Variants in TACC2 observed in about 807,000 individuals in gnomAD.
TACC2 encodes the protein transforming acidic coiled-coil containing protein 2, also known as transforming acidic coiled-coil-containing protein 2.
Under a neutral mutation model 227.3 loss-of-function variants are expected in TACC2, and 137 were observed. The ratio of observed to expected loss-of-function variants is 0.60; its 90% CI spans 0.52 to 0.69. TACC2 has a LOEUF of 0.69. Ranked by LOEUF, TACC2 falls within the 30% of genes least tolerant of loss-of-function variation. TACC2 has a pLI of 0.00. For missense variants in TACC2, 3,470 were observed against 3,694.4 expected, an observed-to-expected ratio of 0.94 and a Z score of 1.57; for synonymous variants, 1,523 against 1,487.5, an observed-to-expected ratio of 1.02 and a Z score of -0.55.
chr10:122,109,458 T>G (rs1351141498), intron 5 of TACC2, among the ~76,000 whole-genome samples: 4 of 152,164 alleles, frequency 2.6e-5, no homozygotes, highest in African/African-American at 9.7e-5. Context: ...ATTAACCCGG[T>G]GAGTCTTATT....
At chr10:122,240,370 C>G (rs1361499329) in intron 18 of TACC2, among the ~76,000 whole-genome samples, 1 of 152,112 alleles carries the variant, frequency 6.6e-6, no homozygotes. Context: ...CTCGGAGGCT[C>G]ATCTCATGGT....
intron 5 of TACC2, 156 bp downstream of exon 5, chr10:122,088,747 G>T: frequency 6.5e-7 from 1 of 1,536,434 alleles, no homozygotes; most frequent in Middle Eastern, 1.7e-4. Flanking sequence ...AGGTACAGCA[G>T]TACCTGGGAT....
intron 19 of TACC2, among the ~76,000 whole-genome samples, chr10:122,244,099 C>T (rs1666057971): frequency 6.6e-6 from 1 of 152,164 alleles, no homozygotes. Flanking sequence ...TGAGTTCCCT[C>T]CAAGCCCTGG....
In TACC2 at chr10:122,141,380, T is replaced by G. The variant is rs1483797227; in HGVS notation, c.5700-2192T>G. On this transcript the variant is annotated intron_variant, in intron 6 of 22. Coordinates refer to ENST00000369005, the MANE Select transcript of TACC2 (RefSeq NM_206862.4). The surrounding 1 kb of genome is among the most constrained non-coding windows in gnomAD (Gnocchi z 4.3). The stretch of plus-strand genomic sequence containing the variant: ...TAAATGAGCTGTTGAGTCACACTTG[T>G]TTGATGCCTTTGGCTAACGGGACCC... Among the ~76,000 whole-genome samples the G allele has an allele frequency of 6.6e-6, 1 of 152,046 alleles. No homozygotes were observed. The highest frequency in any genetic ancestry group is 1.5e-5 in the Non-Finnish European group (1 of 68,024).
At chr10:122,212,534 C>A (rs752822624) in intron 9 of TACC2, among the ~76,000 whole-genome samples, 3 of 152,146 alleles carry the variant, frequency 2.0e-5, no homozygotes, top group Non-Finnish European at 2.9e-5. Flanking sequence ...AATATCTTGG[C>A]GATTTCCTTA....
intron 11 of TACC2, among the ~76,000 whole-genome samples, chr10:122,219,891 A>C (rs2095489855): frequency 6.6e-6 from 1 of 152,052 alleles, no homozygotes; most frequent in Non-Finnish European, 1.5e-5. Context: ...TACAAAAATT[A>C]GCTGGGCATG....
chr10:122,010,457 AG>A (rs1226745025), intron 1 of TACC2, among the ~76,000 whole-genome samples: 35 of 152,200 alleles, frequency 2.3e-4, no homozygotes, highest in Non-Finnish European at 5.9e-5. Context: ...CTGGTTTAGC[AG>A]GGGAAAAAGA....
chr10:122,176,117 C>CTATATATA (rs35172894), intron 7 of TACC2, among the ~76,000 whole-genome samples: 119 of 54,618 alleles, frequency 2.2e-3, no homozygotes, highest in South Asian at 7.6e-3. Flanking sequence ...CTCTCTCTCT[C>CTATATATA]TATATATATA....
intron 5 of TACC2, among the ~76,000 whole-genome samples, chr10:122,132,385 A>C (rs12413411): frequency 0.097 from 14,790 of 152,244 alleles, 1,149 homozygotes; most frequent in African/African-American, 0.21. Flanking sequence ...ATCTCTACTA[A>C]AAATACAAAA....
intron 9 of TACC2, among the ~76,000 whole-genome samples, chr10:122,213,686 T>A (rs2095343377): frequency 6.6e-6 from 1 of 152,248 alleles, no homozygotes; most frequent in African/African-American, 2.4e-5. Flanking sequence ...ACATTTTTTT[T>A]AAACTCTTCA....
intron 3 of TACC2, among the ~76,000 whole-genome samples, chr10:122,054,870 G>C (rs77600098): frequency 6.2e-4 from 95 of 152,302 alleles, no homozygotes; most frequent in African/African-American, 2.2e-3. Flanking sequence ...ACAAGGGAGA[G>C]AGCGCTGGAG....
chr10:122,049,192 C>A (rs184483108), intron 2 of TACC2, among the ~76,000 whole-genome samples: 2 of 152,322 alleles, frequency 1.3e-5, no homozygotes, highest in Non-Finnish European at 2.9e-5. Flanking sequence ...GCAATGCATG[C>A]GGCCTCATCA....
At chr10:122,116,848 G>T (rs2084790862) in intron 5 of TACC2, among the ~76,000 whole-genome samples, 1 of 151,734 alleles carries the variant, frequency 6.6e-6, no homozygotes, top group African/African-American at 2.4e-5. Context: ...TGAGCTGGTT[G>T]TCTCGGCTTC....
rs951235280 is a variant in TACC2, at chr10:122,150,207, T to C, written c.5834+6501T>C. On this transcript the variant is annotated intron_variant, in intron 7 of 22. Coordinates refer to ENST00000369005, the MANE Select transcript of TACC2 (RefSeq NM_206862.4). This position sits in a 1 kb window ranked among gnomAD's most constrained non-coding sequence, Gnocchi z 4.0. ...CTGGGAGAAGCTGCAAAGCTTCAGCTTGTGACGCCATCTGGGCGGCAGTCC... is the reference window on the plus strand; with the variant it reads ...CTGGGAGAAGCTGCAAAGCTTCAGCCTGTGACGCCATCTGGGCGGCAGTCC... Among the ~76,000 whole-genome samples the C allele has an allele frequency of 6.6e-6, 1 of 152,228 alleles. No homozygotes were observed. The highest frequency in any genetic ancestry group is 1.9e-4 in the East Asian group (1 of 5,180).
Position 122,210,366 on chromosome 10 carries a change from G to A in TACC2, c.5972-31G>A, listed in dbSNP as rs2095262615. 13 of 1,556,356 alleles carry A rather than the reference G, an allele frequency of 8.4e-6. No individual in the cohort carries two copies. The East Asian group carries it at 2.9e-4, about 35-fold the overall frequency. On this transcript the variant is annotated intron_variant, in intron 8 of 22. Coordinates refer to ENST00000369005, the MANE Select transcript of TACC2 (RefSeq NM_206862.4). The surrounding 1 kb of genome is among the most constrained non-coding windows in gnomAD (Gnocchi z 4.6). ...AGGTGCCCCAATGCGTCCTGTGTCT[G>A]TAATTGATGGCGTTGTCTGTGTTTC...
Position 122,141,198 on chromosome 10 carries a change from G to A in TACC2, c.5700-2374G>A, listed in dbSNP as rs575561780. On this transcript the variant is annotated intron_variant, in intron 6 of 22. Coordinates refer to ENST00000369005, the MANE Select transcript of TACC2 (RefSeq NM_206862.4). This position sits in a 1 kb window ranked among gnomAD's most constrained non-coding sequence, Gnocchi z 4.3. Reference sequence around the variant, plus strand: ...GGAGGAGGAGGGTCAGGAGGGAAGAGGAGAAGTTCTGTTGGGCCCAGGAGG... The same window carrying A: ...GGAGGAGGAGGGTCAGGAGGGAAGAAGAGAAGTTCTGTTGGGCCCAGGAGG... Among the ~76,000 whole-genome samples the A allele has an allele frequency of 5.3e-5, 8 of 152,218 alleles. No homozygotes were observed. Among genetic ancestry groups the A allele is most frequent in the African/African-American group, 1.7e-4 (7 of 41,530 alleles).
intron 5 of TACC2, among the ~76,000 whole-genome samples, chr10:122,112,510 C>T (rs1444643298): frequency 2.0e-5 from 3 of 152,214 alleles, no homozygotes; most frequent in South Asian, 4.1e-4. Flanking sequence ...TAATACCACA[C>T]AGGTGAAGAA....
Position 122,194,966 on chromosome 10 carries a change from T to C in TACC2, c.5835-74T>C. 1 of 1,500,468 alleles carries C rather than the reference T, an allele frequency of 6.7e-7. No homozygotes were observed. The allele number at this position is 1,500,468 out of a possible 1,614,324, so 92.9% of individuals were successfully genotyped here. On this transcript the variant is annotated intron_variant, in intron 7 of 22. Transcript: ENST00000369005. The surrounding 1 kb of genome is among the most constrained non-coding windows in gnomAD (Gnocchi z 4.4). ...CGAGCCAGAACCCACTGGCTCTGGG[T>C]GCGAAGGCCACACCGGCTCAGCAGA... is the stretch of plus-strand genomic sequence containing the variant.
chr10:122,242,440 C>T (rs181671942), intron 19 of TACC2, among the ~76,000 whole-genome samples: 121 of 152,296 alleles, frequency 7.9e-4, no homozygotes, highest in African/African-American at 2.2e-3. Flanking sequence ...CAGTGGACCA[C>T]GGCGTGATTG....
Sources: allele counts gnomAD v4.1 joint callset (sites outside exome capture counted in the v4.1 genomes callset), GRCh38; gene constraint gnomAD v4.1.1; non-coding constraint Gnocchi (gnomAD v3.1); transcripts MANE v1.5; gene names NCBI Gene and HGNC (gene_info 2026-07-23, HGNC 2026-07-21).